The following FAT1 variants were observed in gnomAD, a reference collection of about 807,000 sequenced individuals.
FAT1 encodes protocadherin Fat 1.
Under a neutral mutation model 329.8 loss-of-function variants are expected in FAT1, and 171 were observed. That is an observed-to-expected ratio of 0.52 (90% CI 0.46 to 0.59). The LOEUF is 0.59. FAT1 is among the 20% of genes least tolerant of loss of function. The probability of loss-of-function intolerance (pLI) is 0.00; values close to 1 mark genes in which losing one functional copy is unlikely to be tolerated. For missense variants in FAT1, 5,672 were observed against 5,774.4 expected (o/e 0.98, Z 0.57); for synonymous variants, 2,233 against 2,228.6 (o/e 1.00, Z -0.06).
intron 3 of FAT1, among the ~76,000 whole-genome samples, chr4:186,657,945 G>C (rs1348788425): frequency 6.6e-6 from 1 of 152,112 alleles, no homozygotes. Flanking sequence ...CTTTTGTTTG[G>C]GACTCCCTTT....
intron 4 of FAT1, 121 bp downstream of exon 4, chr4:186,639,598 AAAT>A: frequency 3.1e-6 from 2 of 642,148 alleles, no homozygotes; most frequent in Non-Finnish European, 5.2e-6. Flanking sequence ...AACAACCAGT[AAAT>A]AATATTAATA....
At position 186,621,511 on chromosome 4, in the gene FAT1, T is replaced by C. The variant is rs750325428; in HGVS notation, c.5075A>G (p.His1692Arg). The change falls in exon 10 of 27, where the codon CAT becomes CGT. Residue 1692 changes from histidine to arginine, a missense_variant. Transcript: ENST00000441802. ...TTCATACACCACTGATGATTGACTATGGGCTGTAACCATCCCAACGAAACT... is the reference window on the plus strand; with the variant it reads ...TTCATACACCACTGATGATTGACTACGGGCTGTAACCATCCCAACGAAACT... The part of the protein sequence containing the change: ...IGSFVGMVTA[H>R]SQSSVVYEIK... 1 of 1,613,952 alleles carries C rather than the reference T, an allele frequency of 6.2e-7. No individual in the cohort carries two copies. Among genetic ancestry groups the C allele is most frequent in the Non-Finnish European group, 8.5e-7 (1 of 1,179,914 alleles).
intron 2 of FAT1, among the ~76,000 whole-genome samples, chr4:186,666,024 CG>C (rs1165903046): frequency 4.7e-5 from 5 of 107,490 alleles, no homozygotes; most frequent in African/African-American, 1.9e-4. Flanking sequence ...CATCACACAC[CG>C]GGGCCTGTCG....
rs1742723017 is a variant in FAT1 at position 186,671,476 on chromosome 4, T to C, written c.3266-7863A>G. ...ACTTTGGGAGGCCGAGGCTGGCAGA[T>C]CACCTGAGGTCAGGAGTTAAAGACC... is the stretch of plus-strand genomic sequence containing the variant. On this transcript the variant is annotated intron_variant, in intron 2 of 26. Coordinates refer to ENST00000441802, the MANE Select transcript of FAT1 (RefSeq NM_005245.4). 4.6e-5 allele frequency among the ~76,000 whole-genome samples: 7 copies of C among 152,216 alleles called. No individual in the cohort carries two copies. The South Asian group carries it at 1.5e-3, about 32-fold the overall frequency.
In FAT1 at chr4:186,620,064, G is replaced by A. The variant is rs2126512039; in HGVS notation, c.6522C>T (p.Val2174=). 1.2e-6 allele frequency: 2 copies of A among 1,613,986 alleles called. No homozygotes were observed. The highest frequency in any genetic ancestry group is 1.7e-6 in the Non-Finnish European group (2 of 1,179,892). Residue 2174 remains valine (V), a synonymous_variant, in exon 10 of 27, where the codon GTC becomes GTT. Coordinates refer to ENST00000441802, the MANE Select transcript of FAT1 (RefSeq NM_005245.4). ...FSAEVIVPIT[V]MNKAMPVFEK... ...CAAACACAGGCATGGCTTTATTCAT[G>A]ACAGTGATCGGAACGATAACTTCCG... is the stretch of plus-strand genomic sequence containing the variant.
chr4:186,610,002 G>T lies in FAT1; in HGVS notation c.9867C>A (p.Ile3289=). ...SIDSKTGAVF[I]IENLDYESSH... ...AGCTCTCATAATCCAGATTCTCAATGATAAATACGGCCCCTGAATAGAAAT... is the reference window on the plus strand; with the variant it reads ...AGCTCTCATAATCCAGATTCTCAATTATAAATACGGCCCCTGAATAGAAAT... Residue 3289 remains isoleucine, a synonymous_variant, in exon 15 of 27, where the codon ATC becomes ATA. Coordinates refer to ENST00000441802, the MANE Select transcript of FAT1 (RefSeq NM_005245.4). 1 of 1,607,922 alleles carries T rather than the reference G, an allele frequency of 6.2e-7. No homozygotes were observed. The highest frequency in any genetic ancestry group is 1.1e-5 in the South Asian group (1 of 90,852).
Position 186,617,948 on chromosome 4 carries a change from T to G in FAT1, c.8638A>C (p.Arg2880=). Residue 2880 remains arginine (R), a synonymous_variant, in exon 10 of 27, where the codon AGA becomes CGA. Transcript: ENST00000441802. ...TTLKELDHEK[R]DNYQIKVVAS... is the part of the protein sequence containing the mutation. Reference sequence around the variant, plus strand: ...ACCACTTTAATCTGGTAATTGTCTCTCTTTTCATGGTCAAGTTCCTTTAAA... The same window carrying G: ...ACCACTTTAATCTGGTAATTGTCTCGCTTTTCATGGTCAAGTTCCTTTAAA... The G allele has an allele frequency of 6.2e-7, 1 of 1,614,048 alleles. No individual in the cohort carries two copies. Among genetic ancestry groups the G allele is most frequent in the Non-Finnish European group, 8.5e-7 (1 of 1,179,902 alleles).
At chr4:186,613,086 G>A (rs747766550) in intron 13 of FAT1, 23 bp downstream of exon 13, 2 of 1,545,588 alleles carry the variant, frequency 1.3e-6, no homozygotes, top group South Asian at 2.2e-5. Context: ...GCAGCGTCAG[G>A]CAAGAGCATT....
intron 2 of FAT1, among the ~76,000 whole-genome samples, chr4:186,666,757 G>A (rs1247526954): frequency 6.6e-6 from 1 of 152,142 alleles, no homozygotes; most frequent in Non-Finnish European, 1.5e-5. Flanking sequence ...TGTCTTACAT[G>A]CATTATCTTA....
intron 3 of FAT1, among the ~76,000 whole-genome samples, chr4:186,651,434 C>G (rs561104032): frequency 1.7e-4 from 26 of 152,304 alleles, no homozygotes; most frequent in African/African-American, 6.3e-4. Context: ...TCAAGGGCAG[C>G]ATTTGTCTGT....
At position 186,709,134 on chromosome 4, in the gene FAT1, A is replaced by G. The variant is rs1744813516; in HGVS notation, c.694T>C (p.Tyr232His). Residue 232 changes from tyrosine to histidine, a missense_variant, in exon 2 of 27, where the codon TAT becomes CAT. Tyr to His is a moderately conservative substitution (Grantham distance 83). Transcript: ENST00000441802. Reference sequence around the variant, plus strand: ...ATGCTGCTGATGCCACTGCTCCCATACAACTTCATGCCACGGTCCGCAGCG... The same window carrying G: ...ATGCTGCTGATGCCACTGCTCCCATGCAACTTCATGCCACGGTCCGCAGCG... ...ILAADRGMKL[Y>H]GSSGISSMAK... The G allele has an allele frequency of 6.2e-7, 1 of 1,613,902 alleles. No homozygotes were observed. Among genetic ancestry groups the G allele is most frequent in the Non-Finnish European group, 8.5e-7 (1 of 1,179,870 alleles).
intron 1 of FAT1, among the ~76,000 whole-genome samples, chr4:186,715,020 C>A (rs1012837959): frequency 2.0e-5 from 3 of 152,030 alleles, no homozygotes; most frequent in African/African-American, 7.2e-5. Context: ...GGAGGTTGCA[C>A]TGAGCTGAGA....
intron 3 of FAT1, among the ~76,000 whole-genome samples, chr4:186,649,941 A>G (rs1430433610): frequency 6.6e-6 from 1 of 152,242 alleles, no homozygotes; most frequent in Non-Finnish European, 1.5e-5. Flanking sequence ...ATATTTTCTA[A>G]AAGAATTGGG....
chr4:186,617,413 T>C lies in FAT1; in HGVS notation c.8879-212A>G, dbSNP rs373204399. 9.8e-5 allele frequency among the ~76,000 whole-genome samples: 15 copies of C among 152,308 alleles called. No individual in the cohort carries two copies. In the East Asian group the frequency reaches 1.3e-3, roughly 14 times the overall value. On this transcript the variant is annotated intron_variant, in intron 10 of 26. Coordinates refer to ENST00000441802, the MANE Select transcript of FAT1 (RefSeq NM_005245.4). ...ACATAGCATTAAGACTACTAATCAT[T>C]TAGCCTGCATTAAAACTATAGATGT...
In FAT1 at chr4:186,620,593, A is replaced by C. The variant is rs779970589; in HGVS notation, c.5993T>G (p.Leu1998Ter). 1 of 1,613,956 alleles carries C rather than the reference A, an allele frequency of 6.2e-7. No homozygotes were observed. Among genetic ancestry groups the C allele is most frequent in the Non-Finnish European group, 8.5e-7 (1 of 1,179,870 alleles). Residue 1998 changes from leucine to a stop codon, truncating the protein, a stop_gained, in exon 10 of 27, where the codon TTA (leucine) becomes TGA (stop). Transcript: ENST00000441802. LOFTEE classifies it high-confidence loss of function. The part of the protein sequence containing the change: ...VKENSTEAET[L>*]AVITAIGNPI... Reference sequence around the variant, plus strand: ...ATTCCCAATAGCAGTAATGACAGCTAATGTTTCGGCCTCGGTGGAATTCTC... The same window carrying C: ...ATTCCCAATAGCAGTAATGACAGCTCATGTTTCGGCCTCGGTGGAATTCTC...
Position 186,603,463 on chromosome 4 carries a change from G to A in FAT1, c.11063C>T (p.Pro3688Leu), listed in dbSNP as rs761333177. Residue 3688 changes from proline (P) to leucine (L), a missense_variant, in exon 19 of 27, where the codon CCT becomes CTT. By Grantham distance (98) the Pro-to-Leu change is moderately conservative (BLOSUM62 -3). This residue lies in a region of FAT1 where 1,706 missense variants were observed against 1,859.1 expected (regional missense o/e 0.92). Coordinates refer to ENST00000441802, the MANE Select transcript of FAT1 (RefSeq NM_005245.4). ...IQIVSLQSSE[P>L]HPHLDVLLFV... ...AAGTAAGACGTCCAGATGTGGGTGA[G>A]GTTCAGAGGACTGCAAACTAACAAT... 1.9e-6 allele frequency: 3 copies of A among 1,613,868 alleles called. No homozygotes were observed. The South Asian group carries it at 3.3e-5, about 18-fold the overall frequency.
intron 2 of FAT1, among the ~76,000 whole-genome samples, chr4:186,695,270 T>C (rs1022863086): frequency 6.6e-6 from 1 of 152,214 alleles, no homozygotes; most frequent in African/African-American, 2.4e-5. Context: ...ATAGCACTAC[T>C]CTACAGCCCA....
Position 186,617,851 on chromosome 4 carries a change from T to C in FAT1, c.8735A>G (p.Asn2912Ser), listed in dbSNP as rs976557410. Residue 2912 changes from asparagine to serine, a missense_variant, in exon 10 of 27, where the codon AAC becomes AGC. Coordinates refer to ENST00000441802, the MANE Select transcript of FAT1 (RefSeq NM_005245.4). ...AIVDVTVTDV[N>S]DSPPRFTAEI... ...GGCCGTGAATCGTGGTGGACTATCGTTGACATCGGTGACGGTAACATCCAC... is the reference window on the plus strand; with the variant it reads ...GGCCGTGAATCGTGGTGGACTATCGCTGACATCGGTGACGGTAACATCCAC... The C allele has an allele frequency of 1.2e-6, 2 of 1,614,018 alleles. No homozygotes were observed. Among genetic ancestry groups the C allele is most frequent in the South Asian group, 1.1e-5 (1 of 91,076 alleles).
chr4:186,633,601 C>T (rs1052758076), intron 7 of FAT1, 83 bp downstream of exon 7: 36 of 1,474,386 alleles, frequency 2.4e-5, no homozygotes, highest in Non-Finnish European at 3.3e-5. Context: ...GCAGAATCCA[C>T]CGCTCATATT....
Sources: gnomAD v4.1 joint callset for allele counts (sites outside exome capture counted in the v4.1 genomes callset) on GRCh38, gnomAD v4.1.1 for gene constraint, gnomAD v4.1.1 regional missense constraint, MANE v1.5 for transcripts, NCBI Gene and HGNC (gene_info 2026-07-23, HGNC 2026-07-21) for gene names.